The following UBE3C variants were observed in gnomAD, a reference collection of about 807,000 sequenced individuals.
The protein encoded by UBE3C is ubiquitin-protein ligase E3C.
A neutral mutation model predicts 129.4 loss-of-function variants in UBE3C; 42 were observed. The observed-to-expected ratio is 0.32, with a 90% confidence interval of 0.25 to 0.42. The LOEUF is 0.42. Among genes scored for constraint, UBE3C ranks in the 10% least tolerant of loss-of-function variants. The probability of loss-of-function intolerance (pLI) is 1.00; values close to 1 mark genes in which losing one functional copy is unlikely to be tolerated. For synonymous variants in UBE3C, 510 were observed against 492.4 expected (o/e 1.04, Z -0.47); for missense variants, 1,049 against 1,319.1 (o/e 0.80, Z 3.17).
intron 10 of UBE3C, among the ~76,000 whole-genome samples, chr7:157,188,714 AT>A (rs1460537776): frequency 2.6e-5 from 4 of 152,206 alleles, no homozygotes. Context: ...TAGGAATTTT[AT>A]TTATGGCTTA....
intron 22 of UBE3C, among the ~76,000 whole-genome samples, chr7:157,260,980 G>T (rs1279170307): frequency 6.6e-6 from 1 of 152,122 alleles, no homozygotes; most frequent in African/African-American, 2.4e-5. Flanking sequence ...GGGAACAGAA[G>T]TAGAGGGATT....
At position 157,182,281 on chromosome 7, in the gene UBE3C, C is replaced by G; in HGVS notation, c.944C>G (p.Ala315Gly). The change falls in exon 8 of 23, where the codon GCA (alanine) becomes GGA (glycine). Residue 315 changes from alanine (A) to glycine (G), a missense_variant. By Grantham distance (60) the Ala-to-Gly change is moderately conservative. This residue lies in a region of UBE3C where 489 missense variants were observed against 513.8 expected (regional missense o/e 0.95). Coordinates refer to ENST00000348165, the MANE Select transcript of UBE3C (RefSeq NM_014671.3). ...ESRCSRKSGG[A>G]PWLFYFVLTV... ...AGATGTTCAAGAAAGAGTGGTGGAG[C>G]ACCCTGGCTTTTCTATTTCGTTTTA... 6.2e-7 allele frequency: 1 copy of G among 1,613,998 alleles called. No homozygotes were observed. The highest frequency in any genetic ancestry group is 1.1e-5 in the South Asian group (1 of 91,020).
intron 10 of UBE3C, chr7:157,198,328 C>T: frequency 1.2e-6 from 1 of 802,842 alleles, no homozygotes; most frequent in Non-Finnish European, 2.3e-6. Flanking sequence ...ATTTGCGCTT[C>T]ACTTCATCTT....
At chr7:157,166,850 T>A (rs1392841865) in intron 2 of UBE3C, among the ~76,000 whole-genome samples, 1 of 152,224 alleles carries the variant, frequency 6.6e-6, no homozygotes, top group East Asian at 1.9e-4. Context: ...ATTTCCTTGT[T>A]TTTTCATGTT....
At chr7:157,232,707 C>G (rs543172371) in intron 18 of UBE3C, among the ~76,000 whole-genome samples, 1 of 152,126 alleles carries the variant, frequency 6.6e-6, no homozygotes, top group South Asian at 2.1e-4. Flanking sequence ...TGATTAATTT[C>G]TGTAAGAATC....
At chr7:157,204,398 CAAAAAA>C (rs35298527) in intron 11 of UBE3C, among the ~76,000 whole-genome samples, 7 of 86,398 alleles carry the variant, frequency 8.1e-5, no homozygotes, top group Non-Finnish European at 1.2e-4. Flanking sequence ...AACTTTGTTT[CAAAAAA>C]AAAAAAAAAA....
intron 18 of UBE3C, among the ~76,000 whole-genome samples, chr7:157,234,174 C>T (rs1045112609): frequency 2.6e-5 from 4 of 151,960 alleles, no homozygotes; most frequent in Admixed American, 6.6e-5. Context: ...CTTTGAAGAA[C>T]GAACATTTTT....
intron 2 of UBE3C, among the ~76,000 whole-genome samples, chr7:157,166,732 C>CAA (rs35054342): frequency 4.4e-5 from 5 of 113,628 alleles, no homozygotes; most frequent in Admixed American, 8.8e-5. Context: ...AACTCCGTCT[C>CAA]AAAAAAAAAA....
At chr7:157,181,427 A>C in intron 6 of UBE3C, 91 bp from the exon 7 acceptor site, 3 of 1,167,188 alleles carry the variant, frequency 2.6e-6, no homozygotes, top group Non-Finnish European at 3.6e-6. Flanking sequence ...TTGGACCTGT[A>C]GAGATGGTTA....
At chr7:157,255,073 T>A (rs574808942) in intron 21 of UBE3C, among the ~76,000 whole-genome samples, 1 of 152,086 alleles carries the variant, frequency 6.6e-6, no homozygotes, top group Non-Finnish European at 1.5e-5. Flanking sequence ...TGAGCCGAGA[T>A]CATGCCACTG....
chr7:157,208,611 T>G lies in UBE3C; in HGVS notation c.1809+676T>G, dbSNP rs534348504. Among the ~76,000 whole-genome samples, 3 of 152,286 alleles carry G rather than the reference T, an allele frequency of 2.0e-5. No individual in the cohort carries two copies. The South Asian group carries it at 6.2e-4, about 32-fold the overall frequency. On this transcript the variant is annotated intron_variant, in intron 13 of 22. Transcript: ENST00000348165. Reference sequence around the variant, plus strand: ...TTCACTAAATATTTCTTAGATTTTATTGTTTTTTCAAACCTTTCAAAAATT... The same window carrying G: ...TTCACTAAATATTTCTTAGATTTTAGTGTTTTTTCAAACCTTTCAAAAATT...
At chr7:157,255,937 G>C (rs985789738) in intron 21 of UBE3C, among the ~76,000 whole-genome samples, 1 of 152,064 alleles carries the variant, frequency 6.6e-6, no homozygotes, top group Non-Finnish European at 1.5e-5. Flanking sequence ...AATCATGCTG[G>C]GAAAACACCC....
chr7:157,227,319 G>C (rs767419985), intron 17 of UBE3C, among the ~76,000 whole-genome samples: 4 of 152,104 alleles, frequency 2.6e-5, no homozygotes, highest in African/African-American at 4.8e-5. Flanking sequence ...CTGTGGTCAG[G>C]GGTACTTGCA....
intron 6 of UBE3C, among the ~76,000 whole-genome samples, chr7:157,180,305 T>C (rs971131080): frequency 2.0e-5 from 3 of 152,234 alleles, no homozygotes; most frequent in Admixed American, 2.0e-4. Flanking sequence ...CATTGTTAGT[T>C]ATGTTAGTCA....
intron 21 of UBE3C, among the ~76,000 whole-genome samples, chr7:157,256,378 A>G (rs1796751566): frequency 6.6e-6 from 1 of 152,006 alleles, no homozygotes. Context: ...CCCGACCTCA[A>G]GTGATCCGCC....
chr7:157,266,985 C>T (rs1460194470), intron 22 of UBE3C, among the ~76,000 whole-genome samples: 2 of 152,156 alleles, frequency 1.3e-5, no homozygotes, highest in Non-Finnish European at 2.9e-5. Context: ...CAAGCCATCC[C>T]CCAGCTAGGC....
At chr7:157,177,035 G>A (rs532702847) in intron 5 of UBE3C, among the ~76,000 whole-genome samples, 1 of 151,982 alleles carries the variant, frequency 6.6e-6, no homozygotes, top group Non-Finnish European at 1.5e-5. Flanking sequence ...TTTTAATGCC[G>A]TTGAACATTT....
chr7:157,154,089 C>T (rs1477514767), intron 1 of UBE3C, among the ~76,000 whole-genome samples: 2 of 150,298 alleles, frequency 1.3e-5, no homozygotes, highest in African/African-American at 2.5e-5. Context: ...GGAGGGAGGC[C>T]GAGGTGGGTG....
chr7:157,237,401 A>G (rs1452040947), intron 18 of UBE3C, among the ~76,000 whole-genome samples: 6 of 152,128 alleles, frequency 3.9e-5, no homozygotes, highest in Non-Finnish European at 8.8e-5. Context: ...AGATTGCGCC[A>G]CTGCACTCCA....
Sources: gnomAD v4.1 joint callset for allele counts (sites outside exome capture counted in the v4.1 genomes callset) on GRCh38, gnomAD v4.1.1 for gene constraint, gnomAD v4.1.1 regional missense constraint, MANE v1.5 for transcripts, NCBI Gene and HGNC (gene_info 2026-07-23, HGNC 2026-07-21) for gene names.